The following STARD13 variants were observed in gnomAD, a reference collection of about 807,000 sequenced individuals.
STARD13 encodes the protein StAR related lipid transfer domain containing 13.
Under a neutral mutation model 106.4 loss-of-function variants are expected in STARD13, and 62 were observed. That is an observed-to-expected ratio of 0.58 (90% CI 0.48 to 0.72). The LOEUF (loss-of-function observed/expected upper bound fraction) is 0.72, where lower values mean the gene tolerates loss of function less well. Ranked by LOEUF, STARD13 falls within the 30% of genes least tolerant of loss-of-function variation. The pLI is 0.00. For missense variants in STARD13, 1,387 were observed against 1,424.0 expected (o/e 0.97, Z 0.42); for synonymous variants, 565 against 553.0 (o/e 1.02, Z -0.31).
chr13:33,328,683 A>G (rs1399273322), intron 1 of STARD13, among the ~76,000 whole-genome samples: 1 of 152,248 alleles, frequency 6.6e-6, no homozygotes, highest in Admixed American at 6.5e-5. Context: ...TCTTATAAAT[A>G]CAGTATTAAT....
intron 1 of STARD13, among the ~76,000 whole-genome samples, chr13:33,211,868 ATATCT>A (rs1887742148): frequency 6.6e-6 from 1 of 152,060 alleles, no homozygotes; most frequent in Non-Finnish European, 1.5e-5. Flanking sequence ...ATTCATACAC[ATATCT>A]TATGTATGTA....
At chr13:33,593,028 C>T in the STARD13 span, among the ~76,000 whole-genome samples, 2 of 152,080 alleles carry the variant, frequency 1.3e-5, no homozygotes, top group Non-Finnish European at 2.9e-5. Flanking sequence ...GTGGGAAGAG[C>T]TCCAGAGATG....
At chr13:33,429,657 C>T in the STARD13 span, among the ~76,000 whole-genome samples, 1 of 152,014 alleles carries the variant, frequency 6.6e-6, no homozygotes, top group African/African-American at 2.4e-5. Flanking sequence ...TGAAATAAGC[C>T]AGGTAGAGAA....
At chr13:33,276,846 T>C (rs1318117510) in intron 1 of STARD13, 2 of 152,190 alleles carry the variant, frequency 1.3e-5, no homozygotes, top group Admixed American at 6.6e-5. Context: ...AAATCATTTG[T>C]ATTTTAGTAA....
At chr13:33,141,838 T>A (rs549837532) in intron 4 of STARD13, among the ~76,000 whole-genome samples, 1 of 152,004 alleles carries the variant, frequency 6.6e-6, no homozygotes, top group Non-Finnish European at 1.5e-5. Context: ...TTCTGAAAGA[T>A]CACCATAAAG....
At chr13:33,325,667 TC>T (rs1480376973) in intron 1 of STARD13, among the ~76,000 whole-genome samples, 1 of 151,994 alleles carries the variant, frequency 6.6e-6, no homozygotes, top group Non-Finnish European at 1.5e-5. Flanking sequence ...TCATCTTGAG[TC>T]CTGTGAAGCC....
At chr13:33,204,362 T>C (rs1887261939) in intron 1 of STARD13, among the ~76,000 whole-genome samples, 1 of 152,224 alleles carries the variant, frequency 6.6e-6, no homozygotes, top group African/African-American at 2.4e-5. Context: ...GCACAGAGTG[T>C]ACAAAGAACT....
At chr13:33,377,827 T>C in the STARD13 span, among the ~76,000 whole-genome samples, 3 of 152,066 alleles carry the variant, frequency 2.0e-5, no homozygotes, top group Non-Finnish European at 2.9e-5. Context: ...AACCCAGAGG[T>C]TGGGGCTGGG....
the STARD13 span, among the ~76,000 whole-genome samples, chr13:33,619,659 GA>G: frequency 5.9e-5 from 9 of 151,940 alleles, no homozygotes; most frequent in Non-Finnish European, 1.0e-4. Context: ...AAAAGGTAGT[GA>G]AAAAAGGGTA....
the STARD13 span, among the ~76,000 whole-genome samples, chr13:33,565,843 G>T: frequency 5.4e-5 from 8 of 148,404 alleles, 2 homozygotes; most frequent in Non-Finnish European, 1.2e-4. Flanking sequence ...CATCCTTCAA[G>T]GTTGAAATCA....
At chr13:33,393,482 A>G in the STARD13 span, among the ~76,000 whole-genome samples, 1 of 152,196 alleles carries the variant, frequency 6.6e-6, no homozygotes, top group Admixed American at 6.5e-5. Context: ...AAAGTCTGAC[A>G]ATCTCAGTTT....
chr13:33,615,068 T>C, the STARD13 span, among the ~76,000 whole-genome samples: 14 of 152,106 alleles, frequency 9.2e-5, no homozygotes, highest in African/African-American at 2.9e-4. Flanking sequence ...TGGACAACAA[T>C]TTAATCAACA....
chr13:33,145,570 G>T (rs781522962), intron 3 of STARD13, among the ~76,000 whole-genome samples: 3 of 152,008 alleles, frequency 2.0e-5, no homozygotes, highest in Non-Finnish European at 2.9e-5. Flanking sequence ...GTACTTGAAT[G>T]TTCATAGCAG....
chr13:33,285,524 A>G lies in STARD13; in HGVS notation c.115T>C (p.Tyr39His). 1 of 1,614,044 alleles carries G rather than the reference A, an allele frequency of 6.2e-7. No homozygotes were observed. Among genetic ancestry groups the G allele is most frequent in the Non-Finnish European group, 8.5e-7 (1 of 1,179,930 alleles). Residue 39 changes from tyrosine to histidine, a missense_variant, in exon 1 of 14, where the codon TAC becomes CAC. Coordinates refer to ENST00000336934, the MANE Select transcript of STARD13 (RefSeq NM_178006.4). Reference sequence around the variant, plus strand: ...CGTGCTAGAATCCGGCTCATCCTGTAAGGAGAGCGTCTTGTAGTCTGATCA... The same window carrying G: ...CGTGCTAGAATCCGGCTCATCCTGTGAGGAGAGCGTCTTGTAGTCTGATCA... Reference protein sequence around the residue: ...RFDQTTRRSPYRMSRILARHQ... With the variant: ...RFDQTTRRSPHRMSRILARHQ...
the STARD13 span, among the ~76,000 whole-genome samples, chr13:33,580,641 G>T: frequency 3.3e-5 from 5 of 152,044 alleles, no homozygotes; most frequent in Non-Finnish European, 7.4e-5. Flanking sequence ...GCAGTATTGT[G>T]GAGGGCAGCA....
At chr13:33,406,589 C>T in the STARD13 span, among the ~76,000 whole-genome samples, 3 of 152,214 alleles carry the variant, frequency 2.0e-5, no homozygotes, top group South Asian at 6.2e-4. Flanking sequence ...GCCAACAGCA[C>T]TGTAACTCAT....
chr13:33,489,279 T>C, the STARD13 span, among the ~76,000 whole-genome samples: 1 of 152,246 alleles, frequency 6.6e-6, no homozygotes, highest in East Asian at 1.9e-4. Context: ...AATCTATATG[T>C]AGTCATATAG....
At chr13:33,448,882 G>T in the STARD13 span, among the ~76,000 whole-genome samples, 1 of 151,942 alleles carries the variant, frequency 6.6e-6, no homozygotes, top group Non-Finnish European at 1.5e-5. Flanking sequence ...TTGGCCATTT[G>T]TATGTCTTAA....
chr13:33,111,822 G>C lies in STARD13; in HGVS notation c.2563C>G (p.Gln855Glu). 6.2e-7 allele frequency: 1 copy of C among 1,614,134 alleles called. No homozygotes were observed. Among genetic ancestry groups the C allele is most frequent in the Non-Finnish European group, 8.5e-7 (1 of 1,180,026 alleles). The change falls in exon 10 of 14, where the codon CAG becomes GAG. Residue 855 changes from glutamine to glutamate, a missense_variant. By Grantham distance (29) the Gln-to-Glu change is conservative (BLOSUM62 2). Coordinates refer to ENST00000336934, the MANE Select transcript of STARD13 (RefSeq NM_178006.4). ...KDLNENLAAAQGLAHMIMECD... is the reference protein window; with the variant it reads ...KDLNENLAAAEGLAHMIMECD... Reference sequence around the variant, plus strand: ...TCCATGATCATGTGCGCTAGCCCCTGAGCTGCTGCCAGATTCTCGTTGAGG... The same window carrying C: ...TCCATGATCATGTGCGCTAGCCCCTCAGCTGCTGCCAGATTCTCGTTGAGG...
Sources: allele counts gnomAD v4.1 joint callset (sites outside exome capture counted in the v4.1 genomes callset), GRCh38; gene constraint gnomAD v4.1.1; transcripts MANE v1.5; gene names NCBI Gene and HGNC (gene_info 2026-07-23, HGNC 2026-07-21).